The following VPS13D variants were observed in gnomAD, a reference collection of about 807,000 sequenced individuals.
VPS13D encodes intermembrane lipid transfer protein VPS13D.
Under a neutral mutation model 461.9 loss-of-function variants are expected in VPS13D, and 187 were observed. That is an observed-to-expected ratio of 0.40 (90% CI 0.36 to 0.46). The LOEUF (loss-of-function observed/expected upper bound fraction) is 0.46. Ranked by LOEUF, VPS13D falls within the 20% of genes least tolerant of loss-of-function variation. VPS13D has a pLI of 0.60. For synonymous variants in VPS13D, 1,951 were observed against 1,986.3 expected, an observed-to-expected ratio of 0.98 and a Z score of 0.47; for missense variants, 4,711 against 5,364.9, an observed-to-expected ratio of 0.88 and a Z score of 3.81.
chr1:12,329,988 A>C, intron 37 of VPS13D, 70 bp downstream of exon 37: 2 of 1,137,250 alleles, frequency 1.8e-6, no homozygotes, highest in Non-Finnish European at 2.5e-6. Flanking sequence ...ACCTATTGCT[A>C]CGTAAATTTT....
In VPS13D at chr1:12,276,673, G is replaced by C. The variant is rs770039488; in HGVS notation, c.3085G>C (p.Asp1029His). 1.2e-6 allele frequency: 2 copies of C among 1,614,118 alleles called. No individual in the cohort carries two copies. Among genetic ancestry groups the C allele is most frequent in the Non-Finnish European group, 1.7e-6 (2 of 1,180,026 alleles). The change falls in exon 19 of 70, where the codon GAT becomes CAT. Residue 1029 changes from aspartate to histidine, a missense_variant. Physicochemically the swap from Asp to His is moderately conservative, Grantham distance 81. Coordinates refer to ENST00000620676, the MANE Select transcript of VPS13D (RefSeq NM_015378.4). The surrounding 1 kb of genome is among the most constrained non-coding windows in gnomAD (Gnocchi z 4.5). ...GGCTTCACATAAGAACTTGAGCTTT[G>C]ATATTCCAACGGGAAGCCTTCGGGA... ...LMASHKNLSFDIPTGSLRDSR... is the reference protein window; with the variant it reads ...LMASHKNLSFHIPTGSLRDSR...
chr1:12,339,090 A>C (rs1424761636), intron 40 of VPS13D, among the ~76,000 whole-genome samples: 1 of 150,900 alleles, frequency 6.6e-6, no homozygotes, highest in Non-Finnish European at 1.5e-5. Context: ...CTCAGGGTAC[A>C]TTGCCCTGGG....
At position 12,358,538 on chromosome 1, in the gene VPS13D, A is replaced by G. The variant is rs901479658; in HGVS notation, c.10078A>G (p.Ser3360Gly). ...WCQGFSLDGGSGVRALKVIQQ... is the reference protein window; with the variant it reads ...WCQGFSLDGGGGVRALKVIQQ... Reference sequence around the variant, plus strand: ...TCAGGGCTTCTCCCTGGATGGTGGTAGTGGTGTCCGAGCTTTGAAAGTCAT... The same window carrying G: ...TCAGGGCTTCTCCCTGGATGGTGGTGGTGGTGTCCGAGCTTTGAAAGTCAT... The change falls in exon 50 of 70, where the codon AGT becomes GGT. Residue 3360 changes from serine to glycine, a missense_variant. Around this residue, in one of 3 missense-constraint regions of VPS13D, gnomAD observed 4,411 missense variants for 4,937.8 expected, o/e 0.89. Coordinates refer to ENST00000620676, the MANE Select transcript of VPS13D (RefSeq NM_015378.4). 1 of 1,614,174 alleles carries G rather than the reference A, an allele frequency of 6.2e-7. No individual in the cohort carries two copies. The highest frequency in any genetic ancestry group is 8.5e-7 in the Non-Finnish European group (1 of 1,180,028).
In VPS13D at chr1:12,277,926, G is replaced by C. The variant is rs1407712441; in HGVS notation, c.4338G>C (p.Gly1446=). The C allele has an allele frequency of 1.2e-6, 2 of 1,614,060 alleles. No homozygotes were observed. The highest frequency in any genetic ancestry group is 1.7e-6 in the Non-Finnish European group (2 of 1,180,030). ...CTQLAGREAV[G]SEGSRMFCPP... ...AGTTGGCAGGTAGAGAAGCTGTTGG[G>C]TCTGAAGGAAGCCGGATGTTTTGCC... Residue 1446 remains glycine (G), a synonymous_variant, in exon 19 of 70, where the codon GGG becomes GGC. Transcript: ENST00000620676.
At position 12,338,226 on chromosome 1, in the gene VPS13D, A is replaced by T; in HGVS notation, c.8552-5A>T. On this transcript the variant is annotated splice_region_variant and splice_polypyrimidine_tract_variant and intron_variant, in intron 39 of 69. Transcript: ENST00000620676. ...GCCTCTAACTTTGTCTCTCCTGTCT[A>T]CCAGGCCTCCCCCTTGTCTACCTTA... 1 of 1,613,008 alleles carries T rather than the reference A, an allele frequency of 6.2e-7. No individual in the cohort carries two copies. Among genetic ancestry groups the T allele is most frequent in the Non-Finnish European group, 8.5e-7 (1 of 1,179,224 alleles).
At chr1:12,319,903 C>G (rs1022040044) in intron 32 of VPS13D, among the ~76,000 whole-genome samples, 3 of 152,198 alleles carry the variant, frequency 2.0e-5, no homozygotes, top group Admixed American at 1.3e-4. Context: ...GAGACTTTTC[C>G]AGTCCCCACT....
At chr1:12,503,054 G>T (rs888866415) in intron 68 of VPS13D, among the ~76,000 whole-genome samples, 2 of 152,212 alleles carry the variant, frequency 1.3e-5, no homozygotes, top group Non-Finnish European at 2.9e-5. Flanking sequence ...GGAGGACGTT[G>T]TGACCTGCCC....
rs865988706 is a variant in VPS13D, at chr1:12,413,365, G to C, written c.12031-1722G>C. 2.9e-3 allele frequency among the ~76,000 whole-genome samples: 447 copies of C among 152,066 alleles called. 1 individual carries two copies. Among genetic ancestry groups the C allele is most frequent in the African/African-American group, 1.0e-2 (413 of 41,488 alleles). On this transcript the variant is annotated intron_variant, in intron 63 of 69. Coordinates refer to ENST00000620676, the MANE Select transcript of VPS13D (RefSeq NM_015378.4). ...TGGGCGTGGTGGTATGTACCTGTAGGGGGAGGCTGAGGCAGGAGGATCACT... is the reference window on the plus strand; with the variant it reads ...TGGGCGTGGTGGTATGTACCTGTAGCGGGAGGCTGAGGCAGGAGGATCACT...
chr1:12,475,023 C>T (rs896001552), intron 67 of VPS13D, among the ~76,000 whole-genome samples: 5 of 151,966 alleles, frequency 3.3e-5, no homozygotes, highest in African/African-American at 1.2e-4. Context: ...GTGGAGCTGA[C>T]AGAGTAGCAT....
At chr1:12,493,625 C>T (rs567837661) in intron 67 of VPS13D, among the ~76,000 whole-genome samples, 2 of 152,276 alleles carry the variant, frequency 1.3e-5, no homozygotes, top group South Asian at 4.1e-4. Context: ...TGGTCATACT[C>T]GTTTAAAAGG....
intron 59 of VPS13D, among the ~76,000 whole-genome samples, 190 bp downstream of exon 59, chr1:12,385,563 AATCAGC>A (rs5772488): frequency 0.01 from 1,567 of 152,350 alleles, 31 homozygotes; most frequent in African/African-American, 0.035. Flanking sequence ...GTTTATGTGG[AATCAGC>A]ATGTAGTAAG....
chr1:12,256,352 T>C lies in VPS13D; in HGVS notation c.689T>C (p.Met230Thr), dbSNP rs1342752353. The change falls in exon 8 of 70, where the codon ATG becomes ACG. Residue 230 changes from methionine (M) to threonine (T), a missense_variant. Met to Thr is a moderately conservative substitution (Grantham distance 81). This residue lies in a region of VPS13D where 4,411 missense variants were observed against 4,937.8 expected (regional missense o/e 0.89). Transcript: ENST00000620676. Reference protein sequence around the residue: ...MELQEAMARSMESRSHHYVLE... With the variant: ...MELQEAMARSTESRSHHYVLE... ...ACACAGGAGGCCATGGCCAGGAGCA[T>C]GGAGAGTCGCAGCCATCACTACGTC... 3 of 1,613,866 alleles carry C rather than the reference T, an allele frequency of 1.9e-6. No individual in the cohort carries two copies. Among genetic ancestry groups the C allele is most frequent in the Non-Finnish European group, 2.5e-6 (3 of 1,179,992 alleles).
Position 12,276,733 on chromosome 1 carries a change from G to A in VPS13D, c.3145G>A (p.Val1049Met), listed in dbSNP as rs746413798. The change falls in exon 19 of 70, where the codon GTG (valine) becomes ATG (methionine). Residue 1049 changes from valine to methionine, a missense_variant. By Grantham distance (21) the Val-to-Met change is conservative. Around this residue, in one of 3 missense-constraint regions of VPS13D, gnomAD observed 4,411 missense variants for 4,937.8 expected, o/e 0.89. Coordinates refer to ENST00000620676, the MANE Select transcript of VPS13D (RefSeq NM_015378.4). This position sits in a 1 kb window ranked among gnomAD's most constrained non-coding sequence, Gnocchi z 4.5. ...CCAGTCTCCTGTCTCTGGACCGAAT[G>A]TGGCCCACTTAACTGATGGAGCTAC... The part of the protein sequence containing the change: ...RAQSPVSGPN[V>M]AHLTDGATLN... 8 of 1,614,066 alleles carry A rather than the reference G, an allele frequency of 5.0e-6. No individual in the cohort carries two copies. Among genetic ancestry groups the A allele is most frequent in the Non-Finnish European group, 5.1e-6 (6 of 1,180,044 alleles).
chr1:12,260,868 C>T, intron 11 of VPS13D, 74 bp downstream of exon 11: 1 of 1,610,004 alleles, frequency 6.2e-7, no homozygotes, highest in African/African-American at 1.3e-5. Flanking sequence ...TGTGCTTGTG[C>T]TCCTGTGGGG....
chr1:12,354,043 A>G lies in VPS13D; in HGVS notation c.9501A>G (p.Ala3167=), dbSNP rs140401958. ...YMPSNIFSDS[A]KQIFRQPGHT... is the part of the protein sequence containing the mutation. ...CCTCAAACATATTTTCTGACAGTGCAAAACAGATTTTCAGACAGCCTGGGC... is the reference window on the plus strand; with the variant it reads ...CCTCAAACATATTTTCTGACAGTGCGAAACAGATTTTCAGACAGCCTGGGC... The change falls in exon 47 of 70, where the codon GCA becomes GCG. Residue 3167 remains alanine, a synonymous_variant. Transcript: ENST00000620676. The G allele has an allele frequency of 2.2e-3, 3,486 of 1,614,222 alleles. 10 individuals carry two copies. The highest frequency in any genetic ancestry group is 2.7e-3 in the Non-Finnish European group (3,159 of 1,180,044).
intron 60 of VPS13D, among the ~76,000 whole-genome samples, chr1:12,387,277 C>A (rs926318656): frequency 2.6e-5 from 4 of 152,186 alleles, no homozygotes; most frequent in Non-Finnish European, 2.9e-5. Context: ...AAAGGAAGAT[C>A]CGAAAGAATC....
At chr1:12,434,752 C>T (rs1018807915) in intron 65 of VPS13D, among the ~76,000 whole-genome samples, 2 of 152,218 alleles carry the variant, frequency 1.3e-5, no homozygotes, top group East Asian at 3.9e-4. Context: ...TGATACATTC[C>T]ACATAAGCTT....
At chr1:12,437,700 G>A (rs1040012269) in intron 65 of VPS13D, among the ~76,000 whole-genome samples, 2 of 151,864 alleles carry the variant, frequency 1.3e-5, no homozygotes, top group African/African-American at 2.4e-5. Flanking sequence ...TTTTTGATTC[G>A]TAGTTTTAGT....
intron 23 of VPS13D, among the ~76,000 whole-genome samples, chr1:12,292,046 G>A (rs1455842857): frequency 6.6e-6 from 1 of 152,038 alleles, no homozygotes; most frequent in African/African-American, 2.4e-5. Context: ...ATCACCTGAG[G>A]TCAGGAGTTT....
Sources: gnomAD v4.1 joint callset for allele counts (sites outside exome capture counted in the v4.1 genomes callset) on GRCh38, gnomAD v4.1.1 for gene constraint, gnomAD v4.1.1 regional missense constraint, Gnocchi (gnomAD v3.1) non-coding constraint, MANE v1.5 for transcripts, NCBI Gene and HGNC (gene_info 2026-07-23, HGNC 2026-07-21) for gene names.